PKHD1: variants seen among roughly 807,000 people sequenced by gnomAD.
The protein encoded by PKHD1 is fibrocystin.
A neutral mutation model predicts 412.0 loss-of-function variants in PKHD1; 291 were observed. The ratio of observed to expected loss-of-function variants is 0.71; its 90% CI spans 0.64 to 0.78. The LOEUF (loss-of-function observed/expected upper bound fraction) is 0.78, where lower values mean the gene tolerates loss of function less well. Ranked by LOEUF, PKHD1 falls within the 30% of genes least tolerant of loss-of-function variation. The probability of loss-of-function intolerance (pLI) is 0.00; values close to 1 mark genes in which losing one functional copy is unlikely to be tolerated. For synonymous variants in PKHD1, 1,777 were observed against 1,821.5 expected, an observed-to-expected ratio of 0.98 and a Z score of 0.62; for missense variants, 4,825 against 4,950.7, an observed-to-expected ratio of 0.97 and a Z score of 0.76.
chr6:51,947,983 G>C (rs1224719060), intron 36 of PKHD1, among the ~76,000 whole-genome samples: 1 of 152,060 alleles, frequency 6.6e-6, no homozygotes, highest in Non-Finnish European at 1.5e-5. Context: ...TGCTAAGTCT[G>C]AAAATCACAG....
At chr6:51,789,156 A>G (rs769370958) in intron 53 of PKHD1, among the ~76,000 whole-genome samples, 2 of 152,214 alleles carry the variant, frequency 1.3e-5, no homozygotes, top group African/African-American at 2.4e-5. Context: ...AGGGAATCTC[A>G]TAACTATGGG....
At chr6:51,975,190 C>T (rs1012316767) in intron 35 of PKHD1, among the ~76,000 whole-genome samples, 4 of 152,004 alleles carry the variant, frequency 2.6e-5, no homozygotes, top group African/African-American at 4.8e-5. Context: ...ACATAAAAGA[C>T]GTTTCTTTGT....
intron 33 of PKHD1, among the ~76,000 whole-genome samples, chr6:52,022,345 C>T (rs1455130502): frequency 6.6e-6 from 1 of 152,142 alleles, no homozygotes; most frequent in Non-Finnish European, 1.5e-5. Flanking sequence ...GAAAACTGAA[C>T]ACACAAAGCT....
chr6:51,642,749 A>G (rs2150344533), intron 63 of PKHD1, among the ~76,000 whole-genome samples: 1 of 152,298 alleles, frequency 6.6e-6, no homozygotes, highest in Middle Eastern at 3.4e-3. Flanking sequence ...CTAAGACAGG[A>G]GAATCACTTG....
In PKHD1 at chr6:51,950,091, G is replaced by C. The variant is rs974934393; in HGVS notation, c.5908+9779C>G. ...GATTAAAAAAAGAAAATATGAACTA[G>C]AAAGTGTTTGCAAAAATGTTCACAG... On this transcript the variant is annotated intron_variant, in intron 36 of 66. Coordinates refer to ENST00000371117, the MANE Select transcript of PKHD1 (RefSeq NM_138694.4). Among the ~76,000 whole-genome samples, 20 of 151,174 alleles carry C rather than the reference G, an allele frequency of 1.3e-4. 1 individual carries two copies. The highest frequency in any genetic ancestry group is 4.9e-4 in the African/African-American group (20 of 41,082).
At chr6:51,832,818 A>C (rs541815207) in intron 51 of PKHD1, among the ~76,000 whole-genome samples, 1 of 152,288 alleles carries the variant, frequency 6.6e-6, no homozygotes, top group East Asian at 1.9e-4. Context: ...CTCAGTAGTC[A>C]TGGTTTAATT....
chr6:51,849,678 G>A (rs574578874), intron 49 of PKHD1, among the ~76,000 whole-genome samples: 60 of 152,122 alleles, frequency 3.9e-4, no homozygotes, highest in Admixed American at 9.2e-4. Flanking sequence ...TTTGTTGGCC[G>A]CGTAAATGTC....
At chr6:51,936,394 A>G in intron 36 of PKHD1, among the ~76,000 whole-genome samples, 1 of 152,192 alleles carries the variant, frequency 6.6e-6, no homozygotes, top group East Asian at 1.9e-4. Flanking sequence ...TAATAAGAAG[A>G]GTCTTGGTGA....
intron 35 of PKHD1, among the ~76,000 whole-genome samples, chr6:52,004,492 G>A (rs1480031018): frequency 6.6e-6 from 1 of 151,992 alleles, no homozygotes; most frequent in African/African-American, 2.4e-5. Context: ...GTCTGTTTTA[G>A]TTGATTGCAT....
At chr6:52,019,549 G>C (rs1488457990) in intron 33 of PKHD1, among the ~76,000 whole-genome samples, 1 of 152,176 alleles carries the variant, frequency 6.6e-6, no homozygotes, top group Non-Finnish European at 1.5e-5. Flanking sequence ...ATTCATTAAA[G>C]GTGATTAAGT....
intron 64 of PKHD1, among the ~76,000 whole-genome samples, chr6:51,638,637 G>A (rs911067025): frequency 1.3e-5 from 2 of 152,024 alleles, no homozygotes; most frequent in Admixed American, 1.3e-4. Context: ...ATGTACATTT[G>A]GTTTCTTGCT....
At chr6:51,624,714 T>C (rs1474635112) in intron 66 of PKHD1, among the ~76,000 whole-genome samples, 2 of 152,248 alleles carry the variant, frequency 1.3e-5, no homozygotes, top group Non-Finnish European at 2.9e-5. Flanking sequence ...TGCTCTTTAC[T>C]GACACCAATT....
chr6:51,625,541 C>A (rs1767118348), intron 66 of PKHD1, among the ~76,000 whole-genome samples: 1 of 152,162 alleles, frequency 6.6e-6, no homozygotes, highest in Admixed American at 6.6e-5. Context: ...AAAATGGCCT[C>A]TTTGATGCTC....
chr6:51,782,264 AT>A (rs1385161542), intron 53 of PKHD1, among the ~76,000 whole-genome samples: 3 of 152,168 alleles, frequency 2.0e-5, no homozygotes, highest in Non-Finnish European at 4.4e-5. Context: ...GGCTTAAAAA[AT>A]ATATTAAAAC....
intron 33 of PKHD1, among the ~76,000 whole-genome samples, chr6:52,017,897 C>A (rs1394243461): frequency 1.3e-5 from 2 of 152,218 alleles, no homozygotes; most frequent in Non-Finnish European, 2.9e-5. Context: ...ACACTTAAAT[C>A]TGTGTGTTTC....
At chr6:52,042,761 G>A (rs1449344295) in intron 27 of PKHD1, 98 bp downstream of exon 27, 17 of 1,085,566 alleles carry the variant, frequency 1.6e-5, no homozygotes, top group Non-Finnish European at 2.1e-5. Context: ...GTGAGTCACA[G>A]TGAATATGGA....
At chr6:52,060,561 G>C (rs2128216534) in intron 14 of PKHD1, among the ~76,000 whole-genome samples, 1 of 152,212 alleles carries the variant, frequency 6.6e-6, no homozygotes, top group Non-Finnish European at 1.5e-5. Flanking sequence ...ATGCAACTTT[G>C]AAGAAGATTA....
At chr6:51,738,290 A>G (rs1306181699) in intron 60 of PKHD1, among the ~76,000 whole-genome samples, 1 of 152,200 alleles carries the variant, frequency 6.6e-6, no homozygotes, top group Non-Finnish European at 1.5e-5. Context: ...AATCTCCCAA[A>G]ATATATAGAA....
rs1201928053 is a variant in PKHD1, at chr6:51,864,980, C to T, written c.7733+2883G>A. On this transcript the variant is annotated intron_variant, in intron 48 of 66. Coordinates refer to ENST00000371117, the MANE Select transcript of PKHD1 (RefSeq NM_138694.4). ...AGTTTGGGATAGATAAATCCAAGAA[C>T]TATGTGGGACATTTTATAATTATGG... Among the ~76,000 whole-genome samples, 5 of 151,984 alleles carry T rather than the reference C, an allele frequency of 3.3e-5. No individual in the cohort carries two copies. The South Asian group carries it at 1.0e-3, about 32-fold the overall frequency.
Sources: gnomAD v4.1 joint callset for allele counts (sites outside exome capture counted in the v4.1 genomes callset) on GRCh38, gnomAD v4.1.1 for gene constraint, MANE v1.5 for transcripts, NCBI Gene and HGNC (gene_info 2026-07-23, HGNC 2026-07-21) for gene names.